ZNF385D: variants seen among roughly 807,000 people sequenced by gnomAD.
ZNF385D encodes the protein zinc finger protein 385D.
ZNF385D carries 15 observed loss-of-function variants against 35.8 expected under a neutral mutation model. The observed-to-expected ratio is 0.42, with a 90% confidence interval of 0.28 to 0.64. The LOEUF is 0.64. Ranked by LOEUF, ZNF385D falls within the 30% of genes least tolerant of loss-of-function variation. The pLI is 0.23. For missense variants in ZNF385D, 474 were observed against 494.6 expected (o/e 0.96, Z 0.39); for synonymous variants, 212 against 186.8 (o/e 1.13, Z -1.10).
chr3:22,204,408 G>T (rs1489131902), intron 2 of ZNF385D, among the ~76,000 whole-genome samples: 4 of 151,994 alleles, frequency 2.6e-5, no homozygotes, highest in Non-Finnish European at 1.5e-5. Flanking sequence ...AACAATCCCA[G>T]ATTGTGAAAA....
At chr3:21,796,486 G>C (rs916806019) in intron 3 of ZNF385D, among the ~76,000 whole-genome samples, 12 of 152,230 alleles carry the variant, frequency 7.9e-5, no homozygotes, top group African/African-American at 2.9e-4. Flanking sequence ...CAAAATTTGA[G>C]AATTATTTAA....
At chr3:21,748,643 T>A (rs999018231) in intron 1 of ZNF385D, among the ~76,000 whole-genome samples, 9 of 152,138 alleles carry the variant, frequency 5.9e-5, no homozygotes, top group African/African-American at 2.2e-4. Context: ...CTGTTCTCCC[T>A]GACTTGATAA....
At chr3:21,901,478 T>C (rs11924072) in intron 3 of ZNF385D, among the ~76,000 whole-genome samples, 2,438 of 152,202 alleles carry the variant, frequency 0.016, 67 homozygotes, top group African/African-American at 0.056. Flanking sequence ...AATAATAGTG[T>C]GGGAGTAGGA....
chr3:21,670,674 A>C (rs1211016887), intron 1 of ZNF385D, among the ~76,000 whole-genome samples: 4 of 6,040 alleles, frequency 6.6e-4, no homozygotes, highest in East Asian at 3.6e-3. Flanking sequence ...CCCCCCCCCC[A>C]ATGACTGAAC....
chr3:22,110,055 C>T (rs1227624899), intron 3 of ZNF385D, among the ~76,000 whole-genome samples: 2 of 152,082 alleles, frequency 1.3e-5, no homozygotes, highest in African/African-American at 2.4e-5. Context: ...CATCACTGAC[C>T]ATCAGAGAAA....
At chr3:21,997,177 G>A (rs1038727399) in intron 3 of ZNF385D, among the ~76,000 whole-genome samples, 2 of 152,066 alleles carry the variant, frequency 1.3e-5, no homozygotes, top group African/African-American at 2.4e-5. Context: ...TGTAAAAAAG[G>A]GTGAGTTCAT....
At chr3:22,345,155 C>T (rs974904671) in intron 2 of ZNF385D, among the ~76,000 whole-genome samples, 1 of 152,048 alleles carries the variant, frequency 6.6e-6, no homozygotes, top group Non-Finnish European at 1.5e-5. Flanking sequence ...ATAATGCAAA[C>T]CATACTAATA....
intron 1 of ZNF385D, 92 bp from the exon 2 acceptor site, chr3:21,665,120 T>C: frequency 7.0e-7 from 1 of 1,435,780 alleles, no homozygotes. Flanking sequence ...GCCAGCTTTG[T>C]GGGTCACTGG....
intron 2 of ZNF385D, among the ~76,000 whole-genome samples, chr3:21,606,536 C>T (rs973134786): frequency 9.2e-5 from 14 of 152,058 alleles, no homozygotes; most frequent in Admixed American, 8.5e-4. Flanking sequence ...AAACTGAGTC[C>T]TAAAAAAGTA....
intron 1 of ZNF385D, among the ~76,000 whole-genome samples, chr3:21,703,630 C>A (rs182483388): frequency 6.6e-6 from 1 of 151,086 alleles, no homozygotes; most frequent in Non-Finnish European, 1.5e-5. Context: ...TTACTGCAAC[C>A]TTGTAAATAT....
intron 2 of ZNF385D, among the ~76,000 whole-genome samples, chr3:22,186,598 T>A (rs1695647963): frequency 6.6e-6 from 1 of 152,094 alleles, no homozygotes; most frequent in Admixed American, 6.6e-5. Flanking sequence ...TTGATCTGAC[T>A]TTCCTTGTAA....
At chr3:22,336,608 G>A (rs1695170471) in intron 2 of ZNF385D, among the ~76,000 whole-genome samples, 1 of 151,818 alleles carries the variant, frequency 6.6e-6, no homozygotes, top group Non-Finnish European at 1.5e-5. Context: ...ACATCATCAA[G>A]TATTTCACTA....
chr3:21,850,116 A>C (rs955090522), intron 3 of ZNF385D, among the ~76,000 whole-genome samples: 1 of 151,864 alleles, frequency 6.6e-6, no homozygotes, highest in African/African-American at 2.4e-5. Flanking sequence ...TGGACATGTA[A>C]AATTAAGCTG....
At chr3:22,034,951 C>T (rs982307160) in intron 3 of ZNF385D, among the ~76,000 whole-genome samples, 1 of 151,980 alleles carries the variant, frequency 6.6e-6, no homozygotes, top group Admixed American at 6.6e-5. Context: ...ATGTCAAATA[C>T]TTTAAAACAT....
At chr3:21,778,536 C>T (rs2071377599) in intron 3 of ZNF385D, among the ~76,000 whole-genome samples, 1 of 151,830 alleles carries the variant, frequency 6.6e-6, no homozygotes, top group South Asian at 2.1e-4. Context: ...TTCAGAGAAA[C>T]AATTCTGATT....
intron 3 of ZNF385D, among the ~76,000 whole-genome samples, chr3:21,986,686 G>T (rs143990889): frequency 2.2e-5 from 3 of 134,174 alleles, no homozygotes; most frequent in African/African-American, 1.0e-4. Flanking sequence ...TATTAGGTCC[G>T]CTTGGTGCAG....
At chr3:21,565,696 G>C (rs1328672807) in intron 2 of ZNF385D, among the ~76,000 whole-genome samples, 1 of 152,162 alleles carries the variant, frequency 6.6e-6, no homozygotes, top group Non-Finnish European at 1.5e-5. Flanking sequence ...TATGTTCTGT[G>C]TTGTAGCACA....
At chr3:22,343,512 A>T (rs1182963965) in intron 2 of ZNF385D, among the ~76,000 whole-genome samples, 1 of 152,260 alleles carries the variant, frequency 6.6e-6, no homozygotes, top group Non-Finnish European at 1.5e-5. Flanking sequence ...GAGTAGCAGC[A>T]CTTGTCCAGT....
chr3:22,045,161 T>TA (rs376261146), intron 3 of ZNF385D, among the ~76,000 whole-genome samples: 16 of 149,920 alleles, frequency 1.1e-4, no homozygotes, highest in South Asian at 2.1e-4. Flanking sequence ...TGGGTCATAT[T>TA]AAAAAAAAAA....
Sources: allele counts gnomAD v4.1 joint callset (sites outside exome capture counted in the v4.1 genomes callset), GRCh38; gene constraint gnomAD v4.1.1; transcripts MANE v1.5; gene names NCBI Gene and HGNC (gene_info 2026-07-23, HGNC 2026-07-21).